Variants in ARHGAP26 observed in about 807,000 individuals in gnomAD.
ARHGAP26 encodes Rho GTPase activating protein 26.
ARHGAP26 carries 38 observed loss-of-function variants against 104.8 expected under a neutral mutation model. The ratio of observed to expected loss-of-function variants is 0.36; its 90% CI spans 0.28 to 0.48. The LOEUF (loss-of-function observed/expected upper bound fraction) is 0.48. Among genes scored for constraint, ARHGAP26 ranks in the 20% least tolerant of loss-of-function variants. ARHGAP26 has a pLI of 0.99. For synonymous variants in ARHGAP26, 341 were observed against 340.0 expected (o/e 1.00, Z -0.03); for missense variants, 704 against 947.9 (o/e 0.74, Z 3.38).
intron 1 of ARHGAP26, chr5:142,859,903 ATCT>A (rs1753016169): frequency 6.6e-6 from 1 of 152,276 alleles, no homozygotes; most frequent in Non-Finnish European, 1.5e-5. Context: ...TCTCATTGTC[ATCT>A]TCTTGCATCT....
rs2151128347 is a variant in ARHGAP26 at position 143,171,121 on chromosome 5, T to A, written c.1988+23740T>A. On this transcript the variant is annotated intron_variant, in intron 20 of 22. Transcript: ENST00000645722. Reference sequence around the variant, plus strand: ...AATGGATTCCAAGGAGGAAAAAGAATGGGAGGAATGTTTATTGACCATCTG... The same window carrying A: ...AATGGATTCCAAGGAGGAAAAAGAAAGGGAGGAATGTTTATTGACCATCTG... Among the ~76,000 whole-genome samples the A allele has an allele frequency of 2.0e-5, 3 of 152,264 alleles. No individual in the cohort carries two copies. The Middle Eastern group carries it at 0.01, about 518-fold the overall frequency.
chr5:142,931,913 G>A lies in ARHGAP26; in HGVS notation c.1029-134G>A, dbSNP rs1467699399. ...GAGTAGAAGGTGGCTTAGTAAAGCC[G>A]AGTGTTTTGCCCCTCTTTGTGTTGT... is the stretch of plus-strand genomic sequence containing the variant. On this transcript the variant is annotated intron_variant, in intron 10 of 22. Transcript: ENST00000645722. 13 of 792,942 alleles carry A rather than the reference G, an allele frequency of 1.6e-5. 1 individual carries two copies. Among genetic ancestry groups the A allele is most frequent in the Middle Eastern group, 2.4e-4 (1 of 4,238 alleles). 49.1% of individuals were successfully genotyped at this position (792,942 alleles called of 1,614,324 possible). A position where few individuals can be genotyped will look rare whatever the true frequency, so the allele number is the denominator to read the frequency against.
intron 1 of ARHGAP26, among the ~76,000 whole-genome samples, chr5:142,779,371 G>A (rs2151837655): frequency 6.6e-6 from 1 of 152,268 alleles, no homozygotes; most frequent in South Asian, 2.1e-4. Flanking sequence ...GTAAGCTGGA[G>A]ACTGGGCAGT....
chr5:142,819,624 G>C (rs1353717530), intron 1 of ARHGAP26, among the ~76,000 whole-genome samples: 1 of 152,206 alleles, frequency 6.6e-6, no homozygotes, highest in Non-Finnish European at 1.5e-5. Flanking sequence ...AACAGGAAGA[G>C]TAGTCATATA....
At chr5:143,218,648 C>T (rs1271612686) in intron 22 of ARHGAP26, among the ~76,000 whole-genome samples, 1 of 152,158 alleles carries the variant, frequency 6.6e-6, no homozygotes, top group East Asian at 1.9e-4. Flanking sequence ...CACCCATGTC[C>T]CCAGCAGCTT....
intron 17 of ARHGAP26, among the ~76,000 whole-genome samples, chr5:143,084,876 C>G (rs566676422): frequency 6.6e-6 from 1 of 151,962 alleles, no homozygotes; most frequent in South Asian, 2.1e-4. Flanking sequence ...GAAACTCCGT[C>G]TCTACTAAAA....
chr5:142,846,754 T>TA (rs1466735749), intron 1 of ARHGAP26, among the ~76,000 whole-genome samples: 1 of 152,228 alleles, frequency 6.6e-6, no homozygotes, highest in Non-Finnish European at 1.5e-5. Flanking sequence ...TTTGGTATCT[T>TA]ATTTGAGTAG....
At chr5:143,185,998 A>G (rs1805078898) in intron 20 of ARHGAP26, among the ~76,000 whole-genome samples, 1 of 152,206 alleles carries the variant, frequency 6.6e-6, no homozygotes, top group Non-Finnish European at 1.5e-5. Context: ...AGATGAGGGC[A>G]GGGAGAGAAG....
intron 11 of ARHGAP26, among the ~76,000 whole-genome samples, chr5:142,977,980 G>A (rs537574282): frequency 6.6e-6 from 1 of 152,332 alleles, no homozygotes; most frequent in African/African-American, 2.4e-5. Flanking sequence ...CAGATCACTT[G>A]CAAAGCCATG....
At chr5:143,133,877 C>T in intron 18 of ARHGAP26, 90 bp from the exon 19 acceptor site, 8 of 1,304,688 alleles carry the variant, frequency 6.1e-6, no homozygotes, top group Non-Finnish European at 8.2e-6. Flanking sequence ...AATTCCAAGA[C>T]ACTGCCAAGC....
At chr5:142,846,913 G>T (rs922800661) in intron 1 of ARHGAP26, among the ~76,000 whole-genome samples, 1 of 152,184 alleles carries the variant, frequency 6.6e-6, no homozygotes, top group Non-Finnish European at 1.5e-5. Flanking sequence ...AGAACCACTC[G>T]GTGTGCTAAG....
At chr5:143,130,124 G>A (rs1035731837) in intron 18 of ARHGAP26, among the ~76,000 whole-genome samples, 1 of 152,180 alleles carries the variant, frequency 6.6e-6, no homozygotes, top group Non-Finnish European at 1.5e-5. Flanking sequence ...GCAGAACCAA[G>A]ATCAGCCCAG....
chr5:143,006,981 GCA>G (rs1189006116), intron 11 of ARHGAP26, among the ~76,000 whole-genome samples: 1 of 152,026 alleles, frequency 6.6e-6, no homozygotes, highest in Non-Finnish European at 1.5e-5. Flanking sequence ...TGTAATCCTA[GCA>G]CTTTGGGAGG....
intron 1 of ARHGAP26, among the ~76,000 whole-genome samples, chr5:142,783,574 G>C (rs900053558): frequency 6.6e-6 from 1 of 152,202 alleles, no homozygotes; most frequent in Non-Finnish European, 1.5e-5. Context: ...GGAGGAGAGA[G>C]ACTGGGTGAT....
chr5:142,877,046 T>TG (rs970334607), intron 3 of ARHGAP26, among the ~76,000 whole-genome samples: 6 of 151,602 alleles, frequency 4.0e-5, no homozygotes, highest in Non-Finnish European at 7.4e-5. Flanking sequence ...TATTTGGGGG[T>TG]GGGGGTGTGG....
intron 20 of ARHGAP26, among the ~76,000 whole-genome samples, chr5:143,190,598 T>C (rs1035382476): frequency 1.3e-5 from 2 of 152,126 alleles, no homozygotes; most frequent in African/African-American, 4.8e-5. Context: ...GGAGAAAATG[T>C]GTAGGTTAGG....
chr5:142,786,790 G>A (rs1325279677), intron 1 of ARHGAP26, among the ~76,000 whole-genome samples: 8 of 151,414 alleles, frequency 5.3e-5, no homozygotes. Context: ...GGGATTATAG[G>A]CACATGCTAC....
chr5:143,167,778 A>G (rs1044901661), intron 20 of ARHGAP26, among the ~76,000 whole-genome samples: 1 of 152,148 alleles, frequency 6.6e-6, no homozygotes, highest in Non-Finnish European at 1.5e-5. Context: ...TCCATCACAT[A>G]TAGAAAGTTC....
intron 1 of ARHGAP26, among the ~76,000 whole-genome samples, chr5:142,822,834 A>G: frequency 6.6e-6 from 1 of 152,160 alleles, no homozygotes; most frequent in East Asian, 1.9e-4. Context: ...GCTAAACCCC[A>G]TATTATTCCC....
Sources: gnomAD v4.1 joint callset for allele counts (sites outside exome capture counted in the v4.1 genomes callset) on GRCh38, gnomAD v4.1.1 for gene constraint, MANE v1.5 for transcripts, NCBI Gene and HGNC (gene_info 2026-07-23, HGNC 2026-07-21) for gene names.